E2F3: variants seen among roughly 807,000 people sequenced by gnomAD.
The protein encoded by E2F3 is E2F transcription factor 3.
In E2F3, 11 loss-of-function variants were observed where a neutral mutation model predicts 44.4. The observed-to-expected ratio is 0.25, with a 90% CI of 0.16 to 0.41. The LOEUF (loss-of-function observed/expected upper bound fraction) is 0.41. E2F3 is among the 10% of genes least tolerant of loss of function. E2F3 has a pLI of 1.00. For synonymous variants in E2F3, 249 were observed against 253.0 expected, an observed-to-expected ratio of 0.98 and a Z score of 0.15; for missense variants, 487 against 583.6, an observed-to-expected ratio of 0.83 and a Z score of 1.70.
intron 1 of E2F3, among the ~76,000 whole-genome samples, chr6:20,423,240 G>T (rs968625176): frequency 6.6e-6 from 1 of 152,258 alleles, no homozygotes. Flanking sequence ...TCATGGTATA[G>T]CCTACTATAC....
At chr6:20,424,153 ATATT>A (rs369151566) in intron 1 of E2F3, among the ~76,000 whole-genome samples, 8 of 150,924 alleles carry the variant, frequency 5.3e-5, no homozygotes, top group African/African-American at 2.0e-4. Flanking sequence ...AATATTCTAT[ATATT>A]TTTTCTCCTG....
intron 1 of E2F3, among the ~76,000 whole-genome samples, chr6:20,474,828 A>T (rs910255285): frequency 1.3e-5 from 2 of 152,250 alleles, no homozygotes; most frequent in African/African-American, 4.8e-5. Context: ...ATCTGAGACC[A>T]AACAGGTAAT....
chr6:20,473,812 A>G (rs1761964401), intron 1 of E2F3, among the ~76,000 whole-genome samples: 1 of 152,176 alleles, frequency 6.6e-6, no homozygotes, highest in Non-Finnish European at 1.5e-5. Context: ...CCCAGGATTG[A>G]CTGACCCTTC....
rs140589837 is a variant in E2F3, at chr6:20,464,434, T to C, written c.394-15412T>C. Among the ~76,000 whole-genome samples the C allele has an allele frequency of 2.8e-3, 432 of 152,340 alleles. 1 individual carries two copies. The highest frequency in any genetic ancestry group is 4.7e-3 in the Non-Finnish European group (317 of 68,028). ...CTTATAAACCATTTCCATTTTATGA[T>C]AGAACTCTTCTGGGCACTGCCATCC... On this transcript the variant is annotated intron_variant, in intron 1 of 6. Transcript: ENST00000346618.
At chr6:20,412,878 T>G (rs537803959) in intron 1 of E2F3, among the ~76,000 whole-genome samples, 1 of 152,204 alleles carries the variant, frequency 6.6e-6, no homozygotes, top group Non-Finnish European at 1.5e-5. Context: ...CACTCAGCAG[T>G]CTCTGGTCTA....
At chr6:20,449,493 A>C (rs1455439656) in intron 1 of E2F3, among the ~76,000 whole-genome samples, 1 of 152,238 alleles carries the variant, frequency 6.6e-6, no homozygotes, top group African/African-American at 2.4e-5. Context: ...AGTTGCAGTG[A>C]ATAACCTTGT....
chr6:20,488,863 A>G (rs1762475455), intron 6 of E2F3, among the ~76,000 whole-genome samples: 1 of 152,064 alleles, frequency 6.6e-6, no homozygotes, highest in Non-Finnish European at 1.5e-5. Context: ...GCGTGGTGGC[A>G]CGTGCCTGTA....
chr6:20,442,992 T>A (rs915581523), intron 1 of E2F3, among the ~76,000 whole-genome samples: 5 of 151,922 alleles, frequency 3.3e-5, no homozygotes, highest in Non-Finnish European at 7.4e-5. Context: ...CTCAAATCTA[T>A]TTTTTAAATT....
intron 1 of E2F3, among the ~76,000 whole-genome samples, chr6:20,404,526 A>G (rs1433967547): frequency 6.6e-6 from 1 of 152,152 alleles, no homozygotes; most frequent in Non-Finnish European, 1.5e-5. Context: ...ATTTTTGGAG[A>G]ATCAAGATTT....
rs143089004 is a variant in E2F3, at chr6:20,462,519, G to A, written c.394-17327G>A. On this transcript the variant is annotated intron_variant, in intron 1 of 6. Transcript: ENST00000346618. The stretch of plus-strand genomic sequence containing the variant: ...GTCACCCAGGCTGGAGTGCAGTGGC[G>A]TGATCTTGGCTCACTGCAACCTCCA... 5.7e-3 allele frequency among the ~76,000 whole-genome samples: 852 copies of A among 150,290 alleles called. 7 individuals are homozygous for A. The highest frequency in any genetic ancestry group is 0.019 in the African/African-American group (786 of 40,768).
intron 1 of E2F3, among the ~76,000 whole-genome samples, chr6:20,437,258 C>A (rs1760618154): frequency 6.6e-6 from 1 of 152,260 alleles, no homozygotes; most frequent in South Asian, 2.1e-4. Context: ...GTAATTTGAG[C>A]AAAATTTGAT....
At chr6:20,466,004 G>T (rs988766299) in intron 1 of E2F3, among the ~76,000 whole-genome samples, 1 of 151,594 alleles carries the variant, frequency 6.6e-6, no homozygotes, top group Admixed American at 6.6e-5. Context: ...TCTACTTTTA[G>T]TTCTTTAAGG....
chr6:20,459,992 A>C (rs1446881134), intron 1 of E2F3, among the ~76,000 whole-genome samples: 1 of 152,242 alleles, frequency 6.6e-6, no homozygotes, highest in African/African-American at 2.4e-5. Flanking sequence ...AACTGATGTT[A>C]TAGAAATGGG....
chr6:20,447,749 C>A (rs191831239), intron 1 of E2F3, among the ~76,000 whole-genome samples: 19 of 152,274 alleles, frequency 1.2e-4, no homozygotes, highest in Middle Eastern at 3.4e-3. Flanking sequence ...CAATCACCAA[C>A]AGTCATTGCC....
intron 1 of E2F3, among the ~76,000 whole-genome samples, chr6:20,470,279 C>T (rs935154898): frequency 2.0e-5 from 3 of 152,212 alleles, no homozygotes; most frequent in African/African-American, 7.2e-5. Flanking sequence ...CCCATTGTTT[C>T]CCATTGTTTG....
At chr6:20,404,448 G>C (rs1759425705) in intron 1 of E2F3, among the ~76,000 whole-genome samples, 1 of 152,200 alleles carries the variant, frequency 6.6e-6, no homozygotes, top group South Asian at 2.1e-4. Context: ...ACCAGACTCA[G>C]TTAGATCCAT....
At chr6:20,432,694 T>G (rs1760447719) in intron 1 of E2F3, among the ~76,000 whole-genome samples, 1 of 152,066 alleles carries the variant, frequency 6.6e-6, no homozygotes, top group African/African-American at 2.4e-5. Context: ...GAGGGAAGGT[T>G]AGGGGAGAGG....
chr6:20,472,883 A>G (rs1358458869), intron 1 of E2F3, among the ~76,000 whole-genome samples: 5 of 152,352 alleles, frequency 3.3e-5, no homozygotes, highest in African/African-American at 1.2e-4. Flanking sequence ...ATTAATTAAT[A>G]CAATATTATG....
chr6:20,433,664 T>A (rs1404447699), intron 1 of E2F3, among the ~76,000 whole-genome samples: 1 of 152,248 alleles, frequency 6.6e-6, no homozygotes, highest in East Asian at 1.9e-4. Context: ...CATAGATTAC[T>A]GTATGATAAA....
Sources: gnomAD v4.1 joint callset for allele counts (sites outside exome capture counted in the v4.1 genomes callset) on GRCh38, gnomAD v4.1.1 for gene constraint, MANE v1.5 for transcripts, NCBI Gene and HGNC (gene_info 2026-07-23, HGNC 2026-07-21) for gene names.